Variants in FADS2 observed in about 807,000 individuals in gnomAD.
The protein encoded by FADS2 is acyl-CoA 6-desaturase.
In FADS2, 18 loss-of-function variants were observed where a neutral mutation model predicts 61.2. The ratio of observed to expected loss-of-function variants is 0.29; its 90% CI spans 0.20 to 0.44. The LOEUF is 0.44. FADS2 is among the 20% of genes least tolerant of loss of function. The pLI, the probability that FADS2 is intolerant of heterozygous loss-of-function variation, is 1.00. For synonymous variants in FADS2, 203 were observed against 223.9 expected (o/e 0.91, Z 0.83); for missense variants, 322 against 572.7 (o/e 0.56, Z 4.47).
chr11:61,861,367 A>AAAAAAAAAAAAAC (rs1307567736), intron 7 of FADS2, among the ~76,000 whole-genome samples: 1 of 146,934 alleles, frequency 6.8e-6, no homozygotes, highest in African/African-American at 2.5e-5. Flanking sequence ...AAAAAAAAAA[A>AAAAAAAAAAAAAC]AAAACAGAAA....
chr11:61,840,773 G>A, intron 4 of FADS2, 48 bp downstream of exon 4: 2 of 1,388,036 alleles, frequency 1.4e-6, no homozygotes, highest in Non-Finnish European at 2.1e-6. Context: ...CAGCAGTTGA[G>A]ACAGAGGGAC....
chr11:61,817,083 T>C, intron 1 of FADS2: 1 of 910,044 alleles, frequency 1.1e-6, no homozygotes, highest in South Asian at 2.5e-5. Context: ...ATCGCGGCGT[T>C]GGCTCCCAGG....
At chr11:61,823,040 A>G (rs1443048424) in intron 1 of FADS2, among the ~76,000 whole-genome samples, 1 of 152,218 alleles carries the variant, frequency 6.6e-6, no homozygotes, top group Non-Finnish European at 1.5e-5. Context: ...GTATTCCTCG[A>G]GCACTTAGTA....
At chr11:61,828,232 G>A (rs2067099134), upstream of FADS2, 20 of 1,436,418 alleles carry the variant, frequency 1.4e-5, no homozygotes, top group Non-Finnish European at 1.8e-5. The surrounding 1 kb of genome is among the most constrained non-coding windows in gnomAD (Gnocchi z 6.4). Flanking sequence ...CAGGCGAGAA[G>A]GCTGGGGGAG....
chr11:61,822,531 G>A (rs948266124), intron 1 of FADS2, among the ~76,000 whole-genome samples: 3 of 152,140 alleles, frequency 2.0e-5, no homozygotes, highest in Non-Finnish European at 2.9e-5. Flanking sequence ...GCTTCTCTGC[G>A]GTGCCTTCTT....
upstream of FADS2, among the ~76,000 whole-genome samples, chr11:61,826,838 C>T (rs767428525): frequency 4.6e-5 from 7 of 152,152 alleles, no homozygotes; most frequent in African/African-American, 7.2e-5. Flanking sequence ...CCCCCACCAC[C>T]CCTGCATTGC....
At chr11:61,849,432 TTTAG>T (rs1341488097) in intron 5 of FADS2, among the ~76,000 whole-genome samples, 2 of 152,136 alleles carry the variant, frequency 1.3e-5, no homozygotes, top group African/African-American at 4.8e-5. Flanking sequence ...TACATATTTT[TTTAG>T]TTAGCCAGGC....
chr11:61,843,697 C>T (rs1242289318), intron 4 of FADS2, among the ~76,000 whole-genome samples: 2 of 152,172 alleles, frequency 1.3e-5, no homozygotes, highest in African/African-American at 4.8e-5. Flanking sequence ...TCACTCTTGT[C>T]GCCCAGGCTG....
chr11:61,816,687 C>T lies in FADS2; in HGVS notation c.141+261C>T. 1 of 1,586,878 alleles carries T rather than the reference C, an allele frequency of 6.3e-7. No individual in the cohort carries two copies. The highest frequency in any genetic ancestry group is 1.1e-5 in the South Asian group (1 of 87,432). ...CCTCGCACCCTGAGCGCTGGGCCAC[C>T]TCGTCCCAGGTGAAGTAGCGCGGGG... is the stretch of plus-strand genomic sequence containing the variant. On this transcript the variant is annotated intron_variant, in intron 1 of 11. Transcript: ENST00000257261. This position sits in a 1 kb window ranked among gnomAD's most constrained non-coding sequence, Gnocchi z 7.0.
chr11:61,816,696 G>A lies in FADS2; in HGVS notation c.141+270G>A. The A allele has an allele frequency of 6.3e-7, 1 of 1,582,706 alleles. No homozygotes were observed. The highest frequency in any genetic ancestry group is 8.6e-7 in the Non-Finnish European group (1 of 1,164,952). On this transcript the variant is annotated intron_variant, in intron 1 of 11. Coordinates refer to the FADS2 transcript ENST00000257261. The surrounding 1 kb of genome is among the most constrained non-coding windows in gnomAD (Gnocchi z 7.0). ...CTGAGCGCTGGGCCACCTCGTCCCA[G>A]GTGAAGTAGCGCGGGGTAGGTCCCT...
Position 61,822,700 on chromosome 11 carries a change from G to A in FADS2, c.141+6274G>A, listed in dbSNP as rs189272845. 5.6e-4 allele frequency among the ~76,000 whole-genome samples: 86 copies of A among 152,234 alleles called. 1 individual carries two copies. In the East Asian group the frequency reaches 8.3e-3, roughly 15 times the overall value. ...TTTAATGTAACTTTCCAGTACAAATGATCTCTCTTTAAAATAAAACAAAAA... is the reference window on the plus strand; with the variant it reads ...TTTAATGTAACTTTCCAGTACAAATAATCTCTCTTTAAAATAAAACAAAAA... On this transcript the variant is annotated intron_variant, in intron 1 of 11. Coordinates refer to the FADS2 transcript ENST00000257261.
chr11:61,837,335 C>A (rs2067182169), intron 1 of FADS2, among the ~76,000 whole-genome samples: 1 of 152,150 alleles, frequency 6.6e-6, no homozygotes, highest in Non-Finnish European at 1.5e-5. Context: ...TTGTCCTTTT[C>A]ATTGACCACC....
Position 61,840,294 on chromosome 11 carries a change from G to A in FADS2, c.319-40G>A, listed in dbSNP as rs752965405. On this transcript the variant is annotated intron_variant, in intron 2 of 11. Coordinates refer to ENST00000278840, the MANE Select transcript of FADS2 (RefSeq NM_004265.4). ...CGAGACATATGTTCCCTCCAGAGTG[G>A]CTGGTGGCTGACTCCTTTCCCTGTG... 4.6e-6 allele frequency: 7 copies of A among 1,527,906 alleles called. No homozygotes were observed. In the South Asian group the frequency reaches 7.8e-5, roughly 17 times the overall value. 94.6% of individuals were successfully genotyped at this position (1,527,906 alleles called of 1,614,324 possible).
At chr11:61,846,761 A>G (rs1237652566) in intron 4 of FADS2, 1 of 152,082 alleles carries the variant, frequency 6.6e-6, no homozygotes. Flanking sequence ...CAAAAGAAAT[A>G]TCCATGTTAT....
intron 1 of FADS2, among the ~76,000 whole-genome samples, chr11:61,822,029 G>T (rs1359918607): frequency 6.6e-6 from 1 of 152,030 alleles, no homozygotes; most frequent in African/African-American, 2.4e-5. Context: ...GAGTGCAGTG[G>T]TGCTGTCTTG....
At chr11:61,835,060 C>T (rs1048939124) in intron 1 of FADS2, among the ~76,000 whole-genome samples, 3 of 148,636 alleles carry the variant, frequency 2.0e-5, no homozygotes, top group African/African-American at 7.3e-5. Context: ...CCTGCCTCCC[C>T]AGGGACTTCT....
intron 2 of FADS2, 31 bp from the exon 3 acceptor site, chr11:61,840,303 T>C (rs781733804): frequency 6.3e-7 from 1 of 1,589,380 alleles, no homozygotes; most frequent in Non-Finnish European, 8.6e-7. Flanking sequence ...GGCTGGTGGC[T>C]GACTCCTTTC....
upstream of FADS2, chr11:61,826,601 T>G: frequency 1.7e-6 from 1 of 584,258 alleles, no homozygotes. Flanking sequence ...AGGTCTTGCT[T>G]CATCCTCTTA....
chr11:61,824,423 AGAGAGAGAGAGGGAGGGAGGGAGG>A (rs2067055853), upstream of FADS2, among the ~76,000 whole-genome samples: 1 of 12,130 alleles, frequency 8.2e-5, no homozygotes, highest in Non-Finnish European at 2.1e-4. Flanking sequence ...AGAGAGAGAG[AGAGAGAGAGAGGGAGGGAGGGAGG>A]GAGGGAGGGA....
Sources: allele counts gnomAD v4.1 joint callset (sites outside exome capture counted in the v4.1 genomes callset), GRCh38; gene constraint gnomAD v4.1.1; non-coding constraint Gnocchi (gnomAD v3.1); transcripts MANE v1.5; gene names NCBI Gene and HGNC (gene_info 2026-07-23, HGNC 2026-07-21).